The following HACD3 variants were observed in gnomAD, a reference collection of about 807,000 sequenced individuals.
The protein encoded by HACD3 is very-long-chain (3R)-3-hydroxyacyl-CoA dehydratase 3.
In HACD3, 30 loss-of-function variants were observed where a neutral mutation model predicts 55.2. The observed-to-expected ratio is 0.54, with a 90% confidence interval of 0.41 to 0.74. HACD3 has a LOEUF of 0.74. Ranked by LOEUF, HACD3 falls within the 30% of genes least tolerant of loss-of-function variation. The pLI, the probability that HACD3 is intolerant of heterozygous loss-of-function variation, is 0.00. For synonymous variants in HACD3, 141 were observed against 151.7 expected, an observed-to-expected ratio of 0.93 and a Z score of 0.52; for missense variants, 363 against 440.1, an observed-to-expected ratio of 0.82 and a Z score of 1.57.
At chr15:65,534,105 C>T (rs2071931093) in intron 1 of HACD3, among the ~76,000 whole-genome samples, 1 of 152,020 alleles carries the variant, frequency 6.6e-6, no homozygotes, top group Admixed American at 6.5e-5. Flanking sequence ...TGAAGCACTT[C>T]ATTTATTTGT....
At chr15:65,564,596 T>C (rs1434313667) in intron 7 of HACD3, 1 of 407,224 alleles carries the variant, frequency 2.5e-6, no homozygotes, top group Non-Finnish European at 4.4e-6. Context: ...CAGAAACTCC[T>C]GATAAACCCA....
At chr15:65,556,551 C>A (rs2072192095) in intron 3 of HACD3, among the ~76,000 whole-genome samples, 188 bp from the exon 4 acceptor site, 1 of 152,114 alleles carries the variant, frequency 6.6e-6, no homozygotes, top group South Asian at 2.1e-4. Flanking sequence ...AGGCCATGGA[C>A]CAGTATCAGT....
rs2072416200 is a variant in HACD3 at position 65,577,448 on chromosome 15, CAA to C, written c.*1071_*1072del. ...CAAACCAAACCAAACCACACACACA[CAA>C]ACACACATACACACACACACACACG... is the stretch of plus-strand genomic sequence containing the variant. On this transcript the variant is annotated 3_prime_UTR_variant, in exon 11 of 11. Transcript: ENST00000261875. 6.6e-6 allele frequency: 1 copy of C among 151,412 alleles called. No individual in the cohort carries two copies. The highest frequency in any genetic ancestry group is 1.5e-5 in the Non-Finnish European group (1 of 68,550). 9.4% of individuals were successfully genotyped at this position (151,412 alleles called of 1,614,324 possible). A position where few individuals can be genotyped will look rare whatever the true frequency, so the allele number is the denominator to read the frequency against.
chr15:65,557,636 G>A (rs759026235), intron 4 of HACD3, among the ~76,000 whole-genome samples: 1 of 152,266 alleles, frequency 6.6e-6, no homozygotes, highest in Non-Finnish European at 1.5e-5. Flanking sequence ...TACATTTAAG[G>A]AGCAGGGAGT....
chr15:65,550,307 A>C (rs531410713), intron 1 of HACD3, among the ~76,000 whole-genome samples: 40 of 152,320 alleles, frequency 2.6e-4, no homozygotes, highest in Non-Finnish European at 5.1e-4. Context: ...GAATCGCCTG[A>C]ACCTGGGAGG....
intron 7 of HACD3, among the ~76,000 whole-genome samples, chr15:65,569,104 T>C (rs2141224319): frequency 6.6e-6 from 1 of 151,966 alleles, no homozygotes; most frequent in African/African-American, 2.4e-5. Context: ...AAAAATTAGC[T>C]GAGCGTGGTG....
chr15:65,554,896 A>G lies in HACD3; in HGVS notation c.140A>G (p.His47Arg). 4.3e-6 allele frequency: 7 copies of G among 1,611,676 alleles called. No homozygotes were observed. The highest frequency in any genetic ancestry group is 1.3e-5 in the African/African-American group (1 of 75,008). The change falls in exon 3 of 11, where the codon CAT (histidine) becomes CGT (arginine). Residue 47 changes from histidine (H) to arginine (R), a missense_variant. Coordinates refer to ENST00000261875, the MANE Select transcript of HACD3 (RefSeq NM_016395.4). ...ENVLHFKAQG[H>R]GAKGDNVYEF... is the part of the protein sequence containing the mutation. ...ATTTCTTTCTTTATAGCTCAAGGAC[A>G]TGGTGCCAAAGGAGACAATGTCTAT...
At chr15:65,540,079 CAAAT>C (rs2072005493) in intron 1 of HACD3, among the ~76,000 whole-genome samples, 1 of 151,986 alleles carries the variant, frequency 6.6e-6, no homozygotes, top group Admixed American at 6.6e-5. Flanking sequence ...AAAATTGAGG[CAAAT>C]AAAGCAAAAT....
intron 5 of HACD3, among the ~76,000 whole-genome samples, chr15:65,562,313 G>A (rs866282946): frequency 2.1e-4 from 32 of 152,276 alleles, no homozygotes; most frequent in Middle Eastern, 3.4e-3. Flanking sequence ...GATTAGAGTC[G>A]TGCCTTGGGC....
rs375022299 is a variant in HACD3, at chr15:65,571,497, C to T, written c.774-51C>T. On this transcript the variant is annotated intron_variant, in intron 8 of 10. Transcript: ENST00000261875. ...CTATTTAAATGATATTCTAAGGTTG[C>T]ATTCGGAACCTGAAGTGGCTTTTCA... The T allele has an allele frequency of 5.1e-5, 67 of 1,306,930 alleles. 1 individual carries two copies. The African/African-American group carries it at 8.9e-4, about 17-fold the overall frequency. The allele number at this position is 1,306,930 out of a possible 1,614,324, so 81.0% of individuals were successfully genotyped here.
chr15:65,565,294 C>G (rs890140114), intron 7 of HACD3: 1 of 152,536 alleles, frequency 6.6e-6, no homozygotes, highest in Admixed American at 6.5e-5. Flanking sequence ...TGGAGGATGG[C>G]GGCCTCTTCT....
At chr15:65,532,961 TGGATGTTGAACCA>T (rs2071917593) in intron 1 of HACD3, among the ~76,000 whole-genome samples, 1 of 152,170 alleles carries the variant, frequency 6.6e-6, no homozygotes, top group South Asian at 2.1e-4. Flanking sequence ...GAATTGGAGT[TGGATGTTGAACCA>T]GGTATCTGGT....
intron 1 of HACD3, chr15:65,551,191 GCTCT>G (rs747954654): frequency 2.5e-4 from 38 of 154,808 alleles, no homozygotes; most frequent in Non-Finnish European, 4.7e-4. Flanking sequence ...TTCCTGTTGT[GCTCT>G]CTCTCTCTCC....
In HACD3 at chr15:65,545,724, G is replaced by A. The variant is rs139567257; in HGVS notation, c.88-5952G>A. 4.6e-4 allele frequency among the ~76,000 whole-genome samples: 70 copies of A among 150,550 alleles called. 1 individual carries two copies. Among genetic ancestry groups the A allele is most frequent in the Middle Eastern group, 3.4e-3 (1 of 294 alleles). ...CCGCCTCGGCCTCCCAAAGTGCTGGGATTACAGGCGTGAGCCACCCGTGGC... is the reference window on the plus strand; with the variant it reads ...CCGCCTCGGCCTCCCAAAGTGCTGGAATTACAGGCGTGAGCCACCCGTGGC... On this transcript the variant is annotated intron_variant, in intron 1 of 10. Coordinates refer to ENST00000261875, the MANE Select transcript of HACD3 (RefSeq NM_016395.4).
chr15:65,563,396 A>G (rs953620302), intron 6 of HACD3, among the ~76,000 whole-genome samples: 5 of 152,210 alleles, frequency 3.3e-5, no homozygotes, highest in Admixed American at 6.5e-5. Context: ...GTAAATGCCA[A>G]TGGGAAATTT....
At chr15:65,542,625 G>A (rs1386552261) in intron 1 of HACD3, among the ~76,000 whole-genome samples, 1 of 152,150 alleles carries the variant, frequency 6.6e-6, no homozygotes, top group African/African-American at 2.4e-5. Context: ...ACAGAGAATA[G>A]ATAAACCAGA....
intron 2 of HACD3, among the ~76,000 whole-genome samples, chr15:65,554,453 A>G (rs2072167045): frequency 6.6e-6 from 1 of 152,112 alleles, no homozygotes; most frequent in Non-Finnish European, 1.5e-5. Flanking sequence ...GTGGACTACG[A>G]TGCTTCTTGG....
At chr15:65,545,145 A>G (rs2072062643) in intron 1 of HACD3, among the ~76,000 whole-genome samples, 1 of 152,122 alleles carries the variant, frequency 6.6e-6, no homozygotes, top group Admixed American at 6.5e-5. Flanking sequence ...GGAATGGCAG[A>G]TTACATTATT....
intron 5 of HACD3, among the ~76,000 whole-genome samples, chr15:65,562,352 GA>G (rs1330653993): frequency 1.3e-5 from 2 of 152,188 alleles, no homozygotes; most frequent in African/African-American, 4.8e-5. Context: ...GAAGGTCATA[GA>G]GGGAGATTCT....
Sources: allele counts gnomAD v4.1 joint callset (sites outside exome capture counted in the v4.1 genomes callset), GRCh38; gene constraint gnomAD v4.1.1; transcripts MANE v1.5; gene names NCBI Gene and HGNC (gene_info 2026-07-23, HGNC 2026-07-21).